Variants in MTREX observed in about 807,000 individuals in gnomAD.
The protein encoded by MTREX is Mtr4 exosome RNA helicase, also known as exosome RNA helicase MTR4.
MTREX carries 76 observed loss-of-function variants against 135.4 expected under a neutral mutation model. That is an observed-to-expected ratio of 0.56 (90% confidence interval 0.47 to 0.68). MTREX has a LOEUF of 0.68. MTREX is among the 30% of genes least tolerant of loss of function. The pLI is 0.00. For synonymous variants in MTREX, 404 were observed against 401.6 expected, an observed-to-expected ratio of 1.01 and a Z score of -0.07; for missense variants, 920 against 1,262.1, an observed-to-expected ratio of 0.73 and a Z score of 4.11.
intron 23 of MTREX, among the ~76,000 whole-genome samples, chr5:55,413,677 T>C (rs573920632): frequency 6.6e-6 from 1 of 152,324 alleles, no homozygotes; most frequent in East Asian, 1.9e-4. Flanking sequence ...GATTAAACTT[T>C]TAGCTGTCTT....
intron 19 of MTREX, among the ~76,000 whole-genome samples, chr5:55,395,797 C>T (rs1305767076): frequency 6.6e-6 from 1 of 152,044 alleles, no homozygotes; most frequent in Non-Finnish European, 1.5e-5. Flanking sequence ...ATAAAATAAC[C>T]TATATTCTTT....
intron 21 of MTREX, among the ~76,000 whole-genome samples, chr5:55,402,568 G>A (rs1750738714): frequency 6.6e-6 from 1 of 152,114 alleles, no homozygotes; most frequent in South Asian, 2.1e-4. Flanking sequence ...TGGAGACTCT[G>A]CAATAACATG....
At chr5:55,410,096 AT>A (rs1428292815) in intron 22 of MTREX, among the ~76,000 whole-genome samples, 3 of 152,186 alleles carry the variant, frequency 2.0e-5, no homozygotes, top group Non-Finnish European at 4.4e-5. Flanking sequence ...AAATAAAAAA[AT>A]GTGGTTCTTC....
At chr5:55,406,924 T>A (rs1189809800) in intron 22 of MTREX, among the ~76,000 whole-genome samples, 1 of 152,212 alleles carries the variant, frequency 6.6e-6, no homozygotes, top group Non-Finnish European at 1.5e-5. Context: ...CCACGAGGAA[T>A]GTCTCCTGCC....
Position 55,425,559 on chromosome 5 carries a change from T to C in MTREX, c.*787T>C. The C allele has an allele frequency of 6.4e-6, 3 of 465,588 alleles. No individual in the cohort carries two copies. In the East Asian group the frequency reaches 1.1e-4, roughly 17 times the overall value. 28.8% of individuals were successfully genotyped at this position (465,588 alleles called of 1,614,324 possible). A position where few individuals can be genotyped will look rare whatever the true frequency, so the allele number is the denominator to read the frequency against. ...GCAAATAGCTTCATTTTGCCAATACTGAATAAAAGAGTTATTTCTACATGT... is the reference window on the plus strand; with the variant it reads ...GCAAATAGCTTCATTTTGCCAATACCGAATAAAAGAGTTATTTCTACATGT... On this transcript the variant is annotated 3_prime_UTR_variant, in exon 27 of 27. Coordinates refer to ENST00000230640, the MANE Select transcript of MTREX (RefSeq NM_015360.5).
intron 26 of MTREX, 158 bp from the exon 27 acceptor site, chr5:55,424,562 C>A: frequency 3.4e-6 from 2 of 588,772 alleles, no homozygotes; most frequent in Non-Finnish European, 6.2e-6. Context: ...ACAGAGGTGG[C>A]TGCAAATTCC....
rs556868573 is a variant in MTREX at position 55,361,072 on chromosome 5, T to A, written c.1659+2374T>A. On this transcript the variant is annotated intron_variant, in intron 15 of 26. Transcript: ENST00000230640. ...ACCTCTTGCAAATAGATTTTTCAACTATTAGTTTAAACACTATTTGACATG... is the reference window on the plus strand; with the variant it reads ...ACCTCTTGCAAATAGATTTTTCAACAATTAGTTTAAACACTATTTGACATG... 1.1e-4 allele frequency among the ~76,000 whole-genome samples: 16 copies of A among 152,368 alleles called. No homozygotes were observed. In the East Asian group the frequency reaches 2.7e-3, roughly 26 times the overall value.
At chr5:55,336,020 AT>A (rs1749547840) in intron 5 of MTREX, among the ~76,000 whole-genome samples, 1 of 152,166 alleles carries the variant, frequency 6.6e-6, no homozygotes, top group African/African-American at 2.4e-5. Context: ...TGTGAATCAC[AT>A]TTTTTCTTAA....
At position 55,378,328 on chromosome 5, in the gene MTREX, G is replaced by A; in HGVS notation, c.1825G>A (p.Glu609Lys). 3 of 1,594,940 alleles carry A rather than the reference G, an allele frequency of 1.9e-6. No individual in the cohort carries two copies. Among genetic ancestry groups the A allele is most frequent in the Non-Finnish European group, 2.6e-6 (3 of 1,174,376 alleles). ...PGVVEKVKNS[E>K]EQYNKIVIPN... Reference sequence around the variant, plus strand: ...TCTATTTACAGAGGTAAAGAATTCAGAAGAACAGTATAATAAAATAGTAAT... The same window carrying A: ...TCTATTTACAGAGGTAAAGAATTCAAAAGAACAGTATAATAAAATAGTAAT... Residue 609 changes from glutamate to lysine, a missense_variant, in exon 17 of 27, where the codon GAA (glutamate) becomes AAA (lysine). Coordinates refer to ENST00000230640, the MANE Select transcript of MTREX (RefSeq NM_015360.5).
chr5:55,378,846 G>T (rs897945963), intron 17 of MTREX, among the ~76,000 whole-genome samples: 14 of 152,110 alleles, frequency 9.2e-5, no homozygotes, highest in African/African-American at 3.4e-4. Flanking sequence ...AGATATAAAT[G>T]ATTTATATCC....
At chr5:55,332,303 A>G (rs1172303414) in intron 5 of MTREX, among the ~76,000 whole-genome samples, 1 of 152,170 alleles carries the variant, frequency 6.6e-6, no homozygotes. Flanking sequence ...AACTTTTACA[A>G]TTTATAACAT....
Position 55,313,059 on chromosome 5 carries a change from C to T in MTREX, c.134+4912C>T, listed in dbSNP as rs75254707. ...TTATAAAAAATAGAATTCATACTGA[C>T]ATTTCCAGTACAATTAACATCACAG... is the stretch of plus-strand genomic sequence containing the variant. On this transcript the variant is annotated intron_variant, in intron 1 of 26. Coordinates refer to ENST00000230640, the MANE Select transcript of MTREX (RefSeq NM_015360.5). Among the ~76,000 whole-genome samples, 889 of 152,174 alleles carry T rather than the reference C, an allele frequency of 5.8e-3. 8 individuals carry two copies. The highest frequency in any genetic ancestry group is 0.021 in the African/African-American group (855 of 41,526).
intron 22 of MTREX, among the ~76,000 whole-genome samples, chr5:55,408,372 G>A (rs2111608588): frequency 6.6e-6 from 1 of 152,162 alleles, no homozygotes; most frequent in East Asian, 1.9e-4. Flanking sequence ...CCACTGTTCT[G>A]TGATTATCAC....
At chr5:55,378,510 A>C in intron 17 of MTREX, 24 bp downstream of exon 17, 1 of 1,576,732 alleles carries the variant, frequency 6.3e-7, no homozygotes, top group South Asian at 1.2e-5. Context: ...TCTTCATAAA[A>C]TACTTGAATA....
intron 16 of MTREX, among the ~76,000 whole-genome samples, chr5:55,371,945 A>C (rs1750209433): frequency 6.6e-6 from 1 of 152,158 alleles, no homozygotes. Flanking sequence ...AAATAGTCTG[A>C]GCACTGAAGT....
chr5:55,372,316 A>G (rs1750216462), intron 16 of MTREX, among the ~76,000 whole-genome samples: 1 of 152,320 alleles, frequency 6.6e-6, no homozygotes, highest in Non-Finnish European at 1.5e-5. Context: ...TCATTTAAAA[A>G]TAACCAGGAT....
chr5:55,348,819 A>G (rs939267781), intron 11 of MTREX, among the ~76,000 whole-genome samples: 1 of 152,344 alleles, frequency 6.6e-6, no homozygotes, highest in South Asian at 2.1e-4. Context: ...TGCTTAATAC[A>G]TATTATTTGA....
At chr5:55,375,904 G>T (rs970733584) in intron 16 of MTREX, among the ~76,000 whole-genome samples, 1 of 152,114 alleles carries the variant, frequency 6.6e-6, no homozygotes, top group East Asian at 1.9e-4. Context: ...CTGTCTTCCC[G>T]CAACATCTCT....
At chr5:55,410,081 C>A (rs1750862678) in intron 22 of MTREX, among the ~76,000 whole-genome samples, 1 of 151,900 alleles carries the variant, frequency 6.6e-6, no homozygotes. Flanking sequence ...AAAATTAAAA[C>A]ATAAAAATAA....
Sources: gnomAD v4.1 joint callset for allele counts (sites outside exome capture counted in the v4.1 genomes callset) on GRCh38, gnomAD v4.1.1 for gene constraint, MANE v1.5 for transcripts, NCBI Gene and HGNC (gene_info 2026-07-23, HGNC 2026-07-21) for gene names.